The following PIWIL3 variants were observed in gnomAD, a reference collection of about 807,000 sequenced individuals.
PIWIL3 encodes the protein piwi-like protein 3.
In PIWIL3, 101 loss-of-function variants were observed where a neutral mutation model predicts 109.7. That is an observed-to-expected ratio of 0.92 (90% CI 0.78 to 1.09). PIWIL3 has a LOEUF of 1.09. Ranked by LOEUF, PIWIL3 falls within the 50% of genes least tolerant of loss-of-function variation. The probability of loss-of-function intolerance (pLI) is 0.00; values close to 1 mark genes in which losing one functional copy is unlikely to be tolerated. For missense variants in PIWIL3, 1,031 were observed against 1,072.6 expected (o/e 0.96, Z 0.54); for synonymous variants, 373 against 376.4 (o/e 0.99, Z 0.10).
chr22:24,753,907 A>G, intron 8 of PIWIL3, 107 bp downstream of exon 8: 2 of 935,592 alleles, frequency 2.1e-6, no homozygotes, highest in Non-Finnish European at 3.3e-6. Context: ...TGCAATTTCT[A>G]CTCCTCAACT....
Position 24,750,482 on chromosome 22 carries a change from A to ATTTTTTTTTTTTTTTTTTTTTTTTTTTT in PIWIL3, c.1090-664_1090-663insAAAAAAAAAAAAAAAAAAAAAAAAAAAA, listed in dbSNP as rs1241174453. Among the ~76,000 whole-genome samples, 4 of 114,296 alleles carry ATTTTTTTTTTTTTTTTTTTTTTTTTTTT rather than the reference A, an allele frequency of 3.5e-5. 1 individual carries two copies. Among genetic ancestry groups the ATTTTTTTTTTTTTTTTTTTTTTTTTTTT allele is most frequent in the Non-Finnish European group, 3.6e-5 (2 of 56,248 alleles). The allele number at this position is 114,296 out of a possible 152,430, so 75.0% of individuals were successfully genotyped here. Reference sequence around the variant, plus strand: ...CTTATCTGAAGTCTTACCACATTTGATTTTTTTTCTTTTTTTTTTTTTTGA... The same window carrying ATTTTTTTTTTTTTTTTTTTTTTTTTTTT: ...CTTATCTGAAGTCTTACCACATTTGATTTTTTTTTTTTTTTTTTTTTTTTTTTTTTTTTTTTCTTTTTTTTTTTTTTGA... On this transcript the variant is annotated intron_variant, in intron 9 of 20. Coordinates refer to ENST00000616349, the MANE Select transcript of PIWIL3 (RefSeq NM_001255975.1).
At chr22:24,730,336 C>CATCA (rs1923271515) in intron 14 of PIWIL3, among the ~76,000 whole-genome samples, 2 of 137,868 alleles carry the variant, frequency 1.5e-5, no homozygotes, top group Admixed American at 1.6e-4. Flanking sequence ...TACACTCCAG[C>CATCA]CTGGGTGACA....
At chr22:24,761,474 C>T (rs1925437044) in intron 2 of PIWIL3, among the ~76,000 whole-genome samples, 2 of 152,092 alleles carry the variant, frequency 1.3e-5, no homozygotes, top group Non-Finnish European at 2.9e-5. Context: ...TGGAAGGGCC[C>T]AGGGAAGGTT....
intron 16 of PIWIL3, 33 bp downstream of exon 16, chr22:24,727,914 GCTA>G (rs1569097067): frequency 6.6e-7 from 1 of 1,515,460 alleles, no homozygotes; most frequent in South Asian, 1.1e-5. Flanking sequence ...TCCACAGTCA[GCTA>G]CTAACTAAAC....
At chr22:24,759,239 T>TA (rs1428557363) in intron 3 of PIWIL3, among the ~76,000 whole-genome samples, 1 of 152,242 alleles carries the variant, frequency 6.6e-6, no homozygotes, top group Non-Finnish European at 1.5e-5. Context: ...ATCTGATTAT[T>TA]AAAAATGTGT....
At chr22:24,723,544 A>G (rs1922806303) in intron 18 of PIWIL3, among the ~76,000 whole-genome samples, 1 of 152,210 alleles carries the variant, frequency 6.6e-6, no homozygotes, top group African/African-American at 2.4e-5. Context: ...GAGTTTTACA[A>G]AAGTGGAGTT....
At chr22:24,727,890 T>A (rs1385965637) in intron 16 of PIWIL3, 60 bp downstream of exon 16, 1 of 1,340,034 alleles carries the variant, frequency 7.5e-7, no homozygotes, top group African/African-American at 1.5e-5. Flanking sequence ...ATTAGGTTCA[T>A]CTTTTCTATT....
At chr22:24,756,360 A>G (rs1925030022) in intron 5 of PIWIL3, 131 bp downstream of exon 5, 4 of 835,298 alleles carry the variant, frequency 4.8e-6, no homozygotes. Context: ...TAGGTTTCAC[A>G]ACAAGTCATA....
intron 6 of PIWIL3, among the ~76,000 whole-genome samples, chr22:24,755,196 CA>C (rs1924950626): frequency 6.6e-6 from 1 of 152,204 alleles, no homozygotes; most frequent in African/African-American, 2.4e-5. Context: ...AATCTCTGCT[CA>C]CTGAAACCTC....
intron 19 of PIWIL3, among the ~76,000 whole-genome samples, chr22:24,721,086 T>C (rs1922648224): frequency 6.6e-6 from 1 of 152,228 alleles, no homozygotes; most frequent in Admixed American, 6.5e-5. Flanking sequence ...TACAGTCTTT[T>C]TGGGTAGCTC....
chr22:24,760,780 C>CAAAAAAAAAAAAAAAAAAAAAAAA lies in PIWIL3; in HGVS notation c.103-792_103-791insTTTTTTTTTTTTTTTTTTTTTTTT, dbSNP rs61469163. On this transcript the variant is annotated intron_variant, in intron 2 of 20. Coordinates refer to ENST00000616349, the MANE Select transcript of PIWIL3 (RefSeq NM_001255975.1). Reference sequence around the variant, plus strand: ...GGGCAACAAGAGCGAAACTCTGTCTCAAAAAAAAAAAAAAAAAAAAAAAGC... The same window carrying CAAAAAAAAAAAAAAAAAAAAAAAA: ...GGGCAACAAGAGCGAAACTCTGTCTCAAAAAAAAAAAAAAAAAAAAAAAAAAAAAAAAAAAAAAAAAAAAAAAGC... Among the ~76,000 whole-genome samples, 38 of 41,022 alleles carry CAAAAAAAAAAAAAAAAAAAAAAAA rather than the reference C, an allele frequency of 9.3e-4. 5 individuals are homozygous for CAAAAAAAAAAAAAAAAAAAAAAAA. The highest frequency in any genetic ancestry group is 1.2e-3 in the Non-Finnish European group (26 of 22,214). The allele number at this position is 41,022 out of a possible 152,430, so 26.9% of individuals were successfully genotyped here.
At chr22:24,735,923 A>G in intron 12 of PIWIL3, 31 bp from the exon 13 acceptor site, 1 of 1,523,082 alleles carries the variant, frequency 6.6e-7, no homozygotes, top group Non-Finnish European at 8.9e-7. Flanking sequence ...ATGGCATAAA[A>G]CTTTATTTTA....
intron 9 of PIWIL3, among the ~76,000 whole-genome samples, chr22:24,750,581 C>T (rs1265448712): frequency 6.7e-6 from 1 of 150,324 alleles, no homozygotes; most frequent in African/African-American, 2.4e-5. Flanking sequence ...CCCCGCCACC[C>T]GGGTCCAAGC....
intron 12 of PIWIL3, among the ~76,000 whole-genome samples, chr22:24,738,882 G>A (rs773963473): frequency 2.0e-5 from 3 of 151,960 alleles, no homozygotes; most frequent in Non-Finnish European, 4.4e-5. Context: ...AACCAAATAA[G>A]GCACCAGGCA....
rs776088247 is a variant in PIWIL3, at chr22:24,756,451, G to C, written c.570+40C>G. ...TTTTATTATAATAAAGTGAAAACAA[G>C]AGAAAGAACACAGGAAAATGTGAAA... On this transcript the variant is annotated intron_variant, in intron 5 of 20. Transcript: ENST00000616349. The C allele has an allele frequency of 3.1e-5, 48 of 1,561,108 alleles. 1 individual carries two copies. In the South Asian group the frequency reaches 5.4e-4, roughly 18 times the overall value.
At chr22:24,746,624 C>A (rs1368566528) in intron 12 of PIWIL3, among the ~76,000 whole-genome samples, 2 of 84,022 alleles carry the variant, frequency 2.4e-5, no homozygotes, top group Admixed American at 1.3e-4. Flanking sequence ...TTGGAAAAAT[C>A]TAACGACTCC....
intron 12 of PIWIL3, among the ~76,000 whole-genome samples, chr22:24,741,368 G>A (rs1923998729): frequency 6.6e-6 from 1 of 152,136 alleles, no homozygotes; most frequent in Admixed American, 6.5e-5. Flanking sequence ...AGCCGGGCCT[G>A]GTGGCATGCA....
chr22:24,769,480 C>T (rs1355142348), intron 1 of PIWIL3, among the ~76,000 whole-genome samples: 1 of 152,000 alleles, frequency 6.6e-6, no homozygotes. Flanking sequence ...GGTGTGGTGG[C>T]GGGCACCTGT....
At chr22:24,737,441 A>T (rs1923724016) in intron 12 of PIWIL3, among the ~76,000 whole-genome samples, 1 of 152,128 alleles carries the variant, frequency 6.6e-6, no homozygotes, top group African/African-American at 2.4e-5. Flanking sequence ...CAGCAATAAT[A>T]CCCAGGTAGA....
Sources: allele counts gnomAD v4.1 joint callset (sites outside exome capture counted in the v4.1 genomes callset), GRCh38; gene constraint gnomAD v4.1.1; transcripts MANE v1.5; gene names NCBI Gene and HGNC (gene_info 2026-07-23, HGNC 2026-07-21).